Variants in FNDC3A observed in about 807,000 individuals in gnomAD.
FNDC3A encodes the protein fibronectin type III domain containing 3A.
FNDC3A carries 32 observed loss-of-function variants against 148.9 expected under a neutral mutation model. The observed-to-expected ratio is 0.21, with a 90% CI of 0.16 to 0.29. FNDC3A has a LOEUF of 0.29. Among genes scored for constraint, FNDC3A ranks in the 10% least tolerant of loss-of-function variants. The pLI is 1.00. For missense variants in FNDC3A, 1,191 were observed against 1,452.8 expected (o/e 0.82, Z 2.93); for synonymous variants, 472 against 473.6 (o/e 1.00, Z 0.04).
intron 8 of FNDC3A, among the ~76,000 whole-genome samples, chr13:49,153,339 G>A (rs1211868798): frequency 1.3e-5 from 2 of 152,074 alleles, no homozygotes; most frequent in Non-Finnish European, 1.5e-5. Flanking sequence ...GTCTGTTCAT[G>A]TCCTTCGCCC....
intron 2 of FNDC3A, among the ~76,000 whole-genome samples, chr13:49,041,825 A>G (rs1352029602): frequency 2.6e-5 from 4 of 151,864 alleles, no homozygotes; most frequent in Non-Finnish European, 5.9e-5. Context: ...AAAAAAAAAA[A>G]AAAAAGAAAA....
At chr13:49,086,437 A>G (rs985870194) in intron 3 of FNDC3A, among the ~76,000 whole-genome samples, 2 of 152,196 alleles carry the variant, frequency 1.3e-5, no homozygotes, top group African/African-American at 4.8e-5. Context: ...AAATAGTTAC[A>G]TATTCATAAC....
At chr13:48,999,236 A>G (rs980804672) in intron 1 of FNDC3A, among the ~76,000 whole-genome samples, 6 of 152,224 alleles carry the variant, frequency 3.9e-5, no homozygotes, top group Non-Finnish European at 7.3e-5. Context: ...GTGGATATGG[A>G]AAGCAGAGCA....
intron 8 of FNDC3A, among the ~76,000 whole-genome samples, chr13:49,162,290 G>T (rs1884185381): frequency 1.3e-5 from 2 of 152,108 alleles, no homozygotes; most frequent in Admixed American, 1.3e-4. Context: ...ATATTTCTTG[G>T]AGGCTTCTTT....
At chr13:49,178,691 T>A in intron 14 of FNDC3A, 37 bp downstream of exon 14, 1 of 1,190,152 alleles carries the variant, frequency 8.4e-7, no homozygotes, top group Non-Finnish European at 1.2e-6. Context: ...TTGTTCCTTG[T>A]TCCTATTCTT....
chr13:49,175,079 G>A (rs543603214), intron 12 of FNDC3A, among the ~76,000 whole-genome samples: 3 of 152,146 alleles, frequency 2.0e-5, no homozygotes, highest in Admixed American at 6.5e-5. Flanking sequence ...ACCAATACAC[G>A]AGTGTTATTG....
Position 49,127,974 on chromosome 13 carries a change from C to T in FNDC3A, c.253-3163C>T, listed in dbSNP as rs527492309. Among the ~76,000 whole-genome samples, 58 of 152,158 alleles carry T rather than the reference C, an allele frequency of 3.8e-4. 1 individual carries two copies. The South Asian group carries it at 8.5e-3, about 22-fold the overall frequency. On this transcript the variant is annotated intron_variant, in intron 4 of 25. Transcript: ENST00000492622. ...TCGGCTCACTGCAACCTCTGCCTCC[C>T]GGGTTCAAACGATTCTCTTGCCTCA...
At chr13:49,013,174 G>A (rs1283683327) in intron 2 of FNDC3A, among the ~76,000 whole-genome samples, 2 of 151,960 alleles carry the variant, frequency 1.3e-5, no homozygotes, top group Non-Finnish European at 2.9e-5. Context: ...AATTAGCCAG[G>A]TGTGGTGGCA....
chr13:48,977,363 A>T (rs1184461005), intron 1 of FNDC3A, among the ~76,000 whole-genome samples: 1 of 152,246 alleles, frequency 6.6e-6, no homozygotes, highest in Non-Finnish European at 1.5e-5. Flanking sequence ...TTTTATCACC[A>T]TGCTGTTACC....
chr13:49,065,831 T>A (rs1346620225), intron 2 of FNDC3A, among the ~76,000 whole-genome samples: 1 of 152,174 alleles, frequency 6.6e-6, no homozygotes, highest in African/African-American at 2.4e-5. Flanking sequence ...TAGTAAAATA[T>A]GAGAATCATT....
At chr13:49,041,815 AAAAAAAAAAAAAAAAG>A (rs887786277) in intron 2 of FNDC3A, among the ~76,000 whole-genome samples, 1 of 147,052 alleles carries the variant, frequency 6.8e-6, no homozygotes, top group African/African-American at 2.5e-5. Flanking sequence ...CTCTGTCTCA[AAAAAAAAAAAAAAAAG>A]AAAAGAAAAA....
At chr13:49,097,353 CTTTTTTACATTTTTT>C (rs1879595389) in intron 3 of FNDC3A, among the ~76,000 whole-genome samples, 2 of 150,996 alleles carry the variant, frequency 1.3e-5, no homozygotes, top group Non-Finnish European at 3.0e-5. Context: ...AAAGCCCTTG[CTTTTTTACATTTTTT>C]TTTTAAACAC....
At chr13:48,995,902 A>G (rs571683807) in intron 1 of FNDC3A, among the ~76,000 whole-genome samples, 10 of 152,360 alleles carry the variant, frequency 6.6e-5, no homozygotes, top group Non-Finnish European at 1.5e-4. Context: ...GGTGATTTCA[A>G]ATACCTTATT....
At chr13:49,055,286 G>A (rs1876149113) in intron 2 of FNDC3A, among the ~76,000 whole-genome samples, 2 of 151,988 alleles carry the variant, frequency 1.3e-5, no homozygotes, top group Non-Finnish European at 2.9e-5. Flanking sequence ...TTTCTTTGTA[G>A]AGATGGGGCC....
chr13:49,179,593 G>A (rs6561505), intron 14 of FNDC3A, among the ~76,000 whole-genome samples: 8,682 of 151,968 alleles, frequency 0.057, 388 homozygotes, highest in Non-Finnish European at 0.081. Flanking sequence ...TTCATTAGTT[G>A]GTATTATACT....
At chr13:49,127,202 C>T (rs562056860) in intron 4 of FNDC3A, among the ~76,000 whole-genome samples, 92 of 152,336 alleles carry the variant, frequency 6.0e-4, no homozygotes, top group African/African-American at 1.9e-3. Context: ...TTTCTCTCTT[C>T]TGTGTTATCA....
intron 2 of FNDC3A, among the ~76,000 whole-genome samples, chr13:49,052,056 A>G (rs1209512545): frequency 9.2e-5 from 14 of 151,860 alleles, no homozygotes; most frequent in Admixed American, 9.2e-4. Flanking sequence ...TATGCTATCT[A>G]TTTCACTGAA....
chr13:49,130,201 C>T (rs943541197), intron 4 of FNDC3A, among the ~76,000 whole-genome samples: 1 of 150,978 alleles, frequency 6.6e-6, no homozygotes, highest in African/African-American at 2.4e-5. Flanking sequence ...TTTATCCCCA[C>T]GGTGTAATTC....
chr13:49,163,147 A>G (rs1325417520), intron 8 of FNDC3A, among the ~76,000 whole-genome samples: 1 of 152,110 alleles, frequency 6.6e-6, no homozygotes, highest in Admixed American at 6.5e-5. Flanking sequence ...TGCTGGGAGA[A>G]CCACTACTCT....
Sources: allele counts gnomAD v4.1 joint callset (sites outside exome capture counted in the v4.1 genomes callset), GRCh38; gene constraint gnomAD v4.1.1; transcripts MANE v1.5; gene names NCBI Gene and HGNC (gene_info 2026-07-23, HGNC 2026-07-21).